Variants in XKR3 observed in about 807,000 individuals in gnomAD.
XKR3 encodes XK-related protein 3.
In XKR3, 27 loss-of-function variants were observed where a neutral mutation model predicts 40.3. The ratio of observed to expected loss-of-function variants is 0.67; its 90% confidence interval spans 0.49 to 0.92. XKR3 has a LOEUF of 0.92. Ranked by LOEUF, XKR3 falls within the 40% of genes least tolerant of loss-of-function variation. The pLI is 0.00. For missense variants in XKR3, 472 were observed against 537.6 expected (o/e 0.88, Z 1.21); for synonymous variants, 193 against 195.4 (o/e 0.99, Z 0.10).
intron 1 of XKR3, among the ~76,000 whole-genome samples, chr22:16,815,142 C>T (rs748032842): frequency 2.6e-4 from 39 of 151,876 alleles, no homozygotes; most frequent in Non-Finnish European, 4.9e-4. Flanking sequence ...CTATTCCCAC[C>T]TAGTTGAGTG....
intron 1 of XKR3, among the ~76,000 whole-genome samples, chr22:16,814,705 T>G (rs765904958): frequency 1.3e-5 from 2 of 152,188 alleles, no homozygotes; most frequent in Non-Finnish European, 2.9e-5. Flanking sequence ...CATTCCTAAG[T>G]ATTTTATTCT....
At chr22:16,789,933 A>G (rs2060106988) in intron 3 of XKR3, among the ~76,000 whole-genome samples, 1 of 152,164 alleles carries the variant, frequency 6.6e-6, no homozygotes, top group Non-Finnish European at 1.5e-5. Flanking sequence ...ATGCAGAAAA[A>G]CAAAATCAGA....
In XKR3 at chr22:16,797,653, C is replaced by T. The variant is rs1272004318; in HGVS notation, c.589+2118G>A. ...TAAAAATACAAAAAAATTAGCTGGG[C>T]ATGGTGGTGGGCACCTGTGGTCCCA... On this transcript the variant is annotated intron_variant, in intron 3 of 3. Transcript: ENST00000684488. Among the ~76,000 whole-genome samples the T allele has an allele frequency of 2.0e-5, 3 of 151,744 alleles. No individual in the cohort carries two copies. The East Asian group carries it at 5.9e-4, about 30-fold the overall frequency.
intron 3 of XKR3, among the ~76,000 whole-genome samples, chr22:16,797,872 T>C (rs4819535): frequency 0.12 from 17,270 of 148,914 alleles, 1,371 homozygotes; most frequent in African/African-American, 0.22. Flanking sequence ...AACAAGCATA[T>C]GAAAAACTGC....
chr22:16,790,261 T>TGC (rs2060108525), intron 3 of XKR3, among the ~76,000 whole-genome samples: 3 of 149,456 alleles, frequency 2.0e-5, no homozygotes, highest in Admixed American at 1.3e-4. Flanking sequence ...TTTTTTTTTT[T>TGC]TGGATAAGAC....
Position 16,807,904 on chromosome 22 carries a change from A to G in XKR3, c.170T>C (p.Ile57Thr). The change falls in exon 2 of 4, where the codon ATT (isoleucine) becomes ACT (threonine). Residue 57 changes from isoleucine (I) to threonine (T), a missense_variant. Coordinates refer to ENST00000684488, the MANE Select transcript of XKR3 (RefSeq NM_001386955.1). ...GAATGTGTCATTAGCTTTTCGATAA[A>G]TTTCAAACATGTATAAACCAAAGGC... ...EVAFGLYMFE[I>T]YRKANDTFWM... 6.2e-7 allele frequency: 1 copy of G among 1,614,014 alleles called. No homozygotes were observed. Among genetic ancestry groups the G allele is most frequent in the Non-Finnish European group, 8.5e-7 (1 of 1,179,922 alleles).
chr22:16,807,800 A>T lies in XKR3; in HGVS notation c.274T>A (p.Leu92Met). Residue 92 changes from leucine (L) to methionine (M), a missense_variant, in exon 2 of 4, where the codon TTG (leucine) becomes ATG (methionine). Transcript: ENST00000684488. ...AGTAATGCAGCCTTATTTCTCCTCA[A>T]GTCTTTGTTGAAAAACATCAGGATA... ...QIILMFFNKD[L>M]RRNKAALLFW... The T allele has an allele frequency of 6.2e-7, 1 of 1,613,770 alleles. No individual in the cohort carries two copies.
At chr22:16,813,991 A>T (rs1292635635) in intron 1 of XKR3, among the ~76,000 whole-genome samples, 2 of 152,154 alleles carry the variant, frequency 1.3e-5, no homozygotes, top group Non-Finnish European at 2.9e-5. Flanking sequence ...TTTTTCTCCC[A>T]TAGTGTCATT....
chr22:16,804,218 C>T (rs1364217776), intron 2 of XKR3, among the ~76,000 whole-genome samples: 7 of 152,022 alleles, frequency 4.6e-5, no homozygotes, highest in Non-Finnish European at 1.5e-5. Context: ...AAAATGAGGA[C>T]TAAGCTCTCA....
intron 3 of XKR3, among the ~76,000 whole-genome samples, chr22:16,793,855 A>G (rs2060130454): frequency 6.6e-6 from 1 of 152,228 alleles, no homozygotes; most frequent in African/African-American, 2.4e-5. Flanking sequence ...AAAGACCAAA[A>G]CTTGACTTCT....
rs2060076525 is a variant in XKR3 at position 16,783,833 on chromosome 22, G to A, written c.1166C>T (p.Ala389Val). ...ATAGAAGAGGAGCATAAAGCCAGTG[G>A]CCAATAGGTAGCTTATGATGAGCTG... ...AVQLIISYLLATGFMLLFYQY... is the reference protein window; with the variant it reads ...AVQLIISYLLVTGFMLLFYQY... Residue 389 changes from alanine to valine, a missense_variant, in exon 4 of 4, where the codon GCC (alanine) becomes GTC (valine). Physicochemically the swap from Ala to Val is moderately conservative, Grantham distance 64. Coordinates refer to ENST00000684488, the MANE Select transcript of XKR3 (RefSeq NM_001386955.1). 2.5e-6 allele frequency: 4 copies of A among 1,614,154 alleles called. No individual in the cohort carries two copies. In the African/African-American group the frequency reaches 4.0e-5, roughly 16 times the overall value.
intron 3 of XKR3, among the ~76,000 whole-genome samples, chr22:16,797,200 C>T (rs947557816): frequency 1.3e-5 from 2 of 152,102 alleles, no homozygotes; most frequent in African/African-American, 4.8e-5. Context: ...AATGTAAGAC[C>T]TCAAACTATA....
At chr22:16,817,149 C>A (rs1350822396) in intron 1 of XKR3, among the ~76,000 whole-genome samples, 1 of 149,878 alleles carries the variant, frequency 6.7e-6, no homozygotes, top group Non-Finnish European at 1.5e-5. Flanking sequence ...CTATATGGTT[C>A]ATTTTTCAAT....
At chr22:16,786,078 G>C (rs1427318472) in intron 3 of XKR3, among the ~76,000 whole-genome samples, 9 of 152,062 alleles carry the variant, frequency 5.9e-5, no homozygotes, top group Non-Finnish European at 1.3e-4. Context: ...TATGAGAAAT[G>C]AGACTGAATA....
rs184355033 is a variant in XKR3 at position 16,808,010 on chromosome 22, C to G, written c.64G>C (p.Glu22Gln). 822 of 1,613,568 alleles carry G rather than the reference C, an allele frequency of 5.1e-4. 1 individual carries two copies. Among genetic ancestry groups the G allele is most frequent in the Non-Finnish European group, 6.6e-4 (773 of 1,179,760 alleles). Residue 22 changes from glutamate (E) to glutamine (Q), a missense_variant, in exon 2 of 4, where the codon GAA becomes CAA. Transcript: ENST00000684488. ...TGGAGTCTCTGGCCAAGGACTATTT[C>G]TTCTTTCGAAGATGAAACTCCTCCT... Reference protein sequence around the residue: ...STGGVSSSKEEIVLGQRLHLS... With the variant: ...STGGVSSSKEQIVLGQRLHLS...
At chr22:16,819,861 C>T (rs1482951323) in intron 1 of XKR3, among the ~76,000 whole-genome samples, 1 of 152,032 alleles carries the variant, frequency 6.6e-6, no homozygotes, top group African/African-American at 2.4e-5. Flanking sequence ...GAAATGTGTA[C>T]CCAATTACTA....
Position 16,784,162 on chromosome 22 carries a change from C to T in XKR3, c.837G>A (p.Pro279=), listed in dbSNP as rs1247234879. 1 of 1,614,180 alleles carries T rather than the reference C, an allele frequency of 6.2e-7. No homozygotes were observed. Among genetic ancestry groups the T allele is most frequent in the Admixed American group, 1.7e-5 (1 of 60,024 alleles). ...LIIYFVSLLA[P]WLEFWKSGAH... The stretch of plus-strand genomic sequence containing the variant: ...CTCCACTTTTCCAAAACTCCAGCCA[C>T]GGTGCCAACAATGATACAAAATATA... Residue 279 remains proline (P), a synonymous_variant, in exon 4 of 4, where the codon CCG becomes CCA. Transcript: ENST00000684488.
chr22:16,807,833 C>G lies in XKR3; in HGVS notation c.241G>C (p.Asp81His), dbSNP rs1244681445. Reference protein sequence around the residue: ...ISFIIVGAILDQIILMFFNKD... With the variant: ...ISFIIVGAILHQIILMFFNKD... Reference sequence around the variant, plus strand: ...TTGAAAAACATCAGGATAATTTGATCCAAAATTGCCCCCACAATAATAAAG... The same window carrying G: ...TTGAAAAACATCAGGATAATTTGATGCAAAATTGCCCCCACAATAATAAAG... The change falls in exon 2 of 4, where the codon GAT (aspartate) becomes CAT (histidine). Residue 81 changes from aspartate to histidine, a missense_variant. Physicochemically the swap from Asp to His is moderately conservative, Grantham distance 81 (BLOSUM62 -1). Transcript: ENST00000684488. 6.2e-7 allele frequency: 1 copy of G among 1,613,856 alleles called. No homozygotes were observed. Among genetic ancestry groups the G allele is most frequent in the Non-Finnish European group, 8.5e-7 (1 of 1,179,872 alleles).
At chr22:16,801,635 G>A (rs1479334957) in intron 2 of XKR3, among the ~76,000 whole-genome samples, 5 of 151,772 alleles carry the variant, frequency 3.3e-5, no homozygotes, top group Non-Finnish European at 5.9e-5. Context: ...AAGTTGTCAG[G>A]TGTTAAAGAG....
Sources: gnomAD v4.1 joint callset for allele counts (sites outside exome capture counted in the v4.1 genomes callset) on GRCh38, gnomAD v4.1.1 for gene constraint, MANE v1.5 for transcripts, NCBI Gene and HGNC (gene_info 2026-07-23, HGNC 2026-07-21) for gene names.